METTL6: variants seen among roughly 807,000 people sequenced by gnomAD.
METTL6 encodes the protein tRNA N(3)-cytidine methyltransferase METTL6.
A neutral mutation model predicts 26.4 loss-of-function variants in METTL6; 22 were observed. The observed-to-expected ratio is 0.83, with a 90% CI of 0.59 to 1.19. The LOEUF is 1.19. Ranked by LOEUF, METTL6 falls within the 50% of genes most tolerant of loss-of-function variation. The pLI, the probability that METTL6 is intolerant of heterozygous loss-of-function variation, is 0.00. For synonymous variants in METTL6, 109 were observed against 116.2 expected (o/e 0.94, Z 0.40); for missense variants, 304 against 324.8 (o/e 0.94, Z 0.49).
chr3:15,426,086 G>T (rs970093278), intron 2 of METTL6, among the ~76,000 whole-genome samples: 2 of 152,052 alleles, frequency 1.3e-5, no homozygotes, highest in African/African-American at 4.8e-5. Context: ...GACTACAGGC[G>T]AGCACCACCA....
intron 6 of METTL6, among the ~76,000 whole-genome samples, chr3:15,397,581 C>T (rs1699526707): frequency 6.6e-6 from 1 of 152,198 alleles, no homozygotes; most frequent in South Asian, 2.1e-4. Context: ...GTCGCTCACG[C>T]TGGGAGCTGT....
exon 7 of METTL6, chr3:15,381,949 G>A (rs1243749777): frequency 6.6e-6 from 1 of 151,986 alleles, no homozygotes; most frequent in Non-Finnish European, 1.5e-5. Context: ...TGGGATACAA[G>A]TCGAAGTAGC....
chr3:15,427,202 A>G (rs2061746013), intron 1 of METTL6, among the ~76,000 whole-genome samples, 200 bp downstream of exon 1: 1 of 152,210 alleles, frequency 6.6e-6, no homozygotes, highest in South Asian at 2.1e-4. Flanking sequence ...AAGTGGAGAA[A>G]GAGACCCAAT....
chr3:15,408,579 T>TTTTC (rs1553627420), downstream of METTL6, among the ~76,000 whole-genome samples: 2,453 of 147,752 alleles, frequency 0.017, 116 homozygotes, highest in African/African-American at 0.057. Flanking sequence ...TTTTTTTTTT[T>TTTTC]CAATTGGACA....
intron 3 of METTL6, among the ~76,000 whole-genome samples, chr3:15,416,326 C>G (rs779228656): frequency 4.5e-4 from 69 of 152,232 alleles, no homozygotes; most frequent in Non-Finnish European, 9.0e-4. Context: ...TCATGGTTCA[C>G]TGCAGCCTTC....
chr3:15,424,834 G>T, intron 3 of METTL6, 121 bp downstream of exon 3: 1 of 1,274,150 alleles, frequency 7.8e-7, no homozygotes, highest in Non-Finnish European at 1.1e-6. Context: ...CTACATGTAT[G>T]GTGACTATAG....
Position 15,424,992 on chromosome 3 carries a change from G to A in METTL6, c.323C>T (p.Ala108Val), listed in dbSNP as rs375783930. 2.5e-6 allele frequency: 4 copies of A among 1,614,032 alleles called. No homozygotes were observed. Among genetic ancestry groups the A allele is most frequent in the Non-Finnish European group, 3.4e-6 (4 of 1,180,030 alleles). ...LEEDPNIFAY[A>V]CDFSPRAIEY... ...AATGGCTCTTGGAGAAAAATCACAG[G>A]CATAGGCAAAGATATTCGGATCTTC... Residue 108 changes from alanine (A) to valine (V), a missense_variant, in exon 3 of 6, where the codon GCC becomes GTC. Coordinates refer to ENST00000383790, the MANE Select transcript of METTL6 (RefSeq NM_152396.4).
chr3:15,408,332 T>G (rs554000158), downstream of METTL6, among the ~76,000 whole-genome samples: 4 of 152,160 alleles, frequency 2.6e-5, no homozygotes, highest in African/African-American at 9.7e-5. Context: ...CTTTTCTGTA[T>G]GTATGTTAAG....
intron 4 of METTL6, chr3:15,414,864 G>T: frequency 1.4e-6 from 1 of 718,612 alleles, no homozygotes; most frequent in Non-Finnish European, 2.1e-6. Flanking sequence ...TGAGGCTGCA[G>T]TGAGCCACGT....
rs545442596 is a variant in METTL6 at position 15,421,609 on chromosome 3, C to G, written c.360+3346G>C. Among the ~76,000 whole-genome samples the G allele has an allele frequency of 1.2e-4, 19 of 152,276 alleles. 1 individual carries two copies. The highest frequency in any genetic ancestry group is 6.5e-4 in the Admixed American group (10 of 15,300). The stretch of plus-strand genomic sequence containing the variant: ...CCAAACAGCTGCACACGCCACCACA[C>G]CTGGCTAATTAAAAAAATCTTTTTG... On this transcript the variant is annotated intron_variant, in intron 3 of 5. Coordinates refer to ENST00000383790, the MANE Select transcript of METTL6 (RefSeq NM_152396.4).
downstream of METTL6, among the ~76,000 whole-genome samples, chr3:15,407,384 C>A (rs1248962177): frequency 6.6e-6 from 1 of 152,074 alleles, no homozygotes; most frequent in Non-Finnish European, 1.5e-5. Context: ...GAATTTGGGG[C>A]ATAATTACTC....
At chr3:15,426,794 T>C (rs1358637961) in intron 1 of METTL6, among the ~76,000 whole-genome samples, 159 bp from the exon 2 acceptor site, 1 of 152,230 alleles carries the variant, frequency 6.6e-6, no homozygotes, top group African/African-American at 2.4e-5. Context: ...CTACCTTCAG[T>C]GGGCTTACAT....
Position 15,393,235 on chromosome 3 carries a change from G to A in METTL6, c.*12-9048C>T, listed in dbSNP as rs1310793677. On this transcript the variant is annotated intron_variant, in intron 6 of 6. Coordinates refer to the METTL6 transcript ENST00000443029. ...ACGTCCCTTGTAAGTTGGATTCCTA[G>A]GTATTTCATTCTCTTTGAAGCAATT... 2.0e-5 allele frequency among the ~76,000 whole-genome samples: 3 copies of A among 152,230 alleles called. No homozygotes were observed. The East Asian group carries it at 5.8e-4, about 29-fold the overall frequency.
chr3:15,389,895 AC>A (rs1699298324), intron 6 of METTL6, among the ~76,000 whole-genome samples: 1 of 142,714 alleles, frequency 7.0e-6, no homozygotes, highest in Non-Finnish European at 1.5e-5. Flanking sequence ...TTACTCTGTC[AC>A]CCAGGCTAGA....
chr3:15,412,848 G>C (rs1700029883), intron 5 of METTL6, among the ~76,000 whole-genome samples: 1 of 152,098 alleles, frequency 6.6e-6, no homozygotes, highest in African/African-American at 2.4e-5. Context: ...TGTTAAAATA[G>C]AGGTTAATTA....
At chr3:15,420,854 A>G (rs2061597075) in intron 3 of METTL6, among the ~76,000 whole-genome samples, 1 of 152,200 alleles carries the variant, frequency 6.6e-6, no homozygotes, top group Admixed American at 6.5e-5. Flanking sequence ...GCTTATATCT[A>G]TCCACTGAGT....
chr3:15,407,523 TCTTA>T (rs1362450322), downstream of METTL6, among the ~76,000 whole-genome samples: 2 of 152,294 alleles, frequency 1.3e-5, no homozygotes, highest in South Asian at 4.1e-4. Context: ...CTGAAGTCAT[TCTTA>T]CTTGTCTCTT....
intron 6 of METTL6, among the ~76,000 whole-genome samples, chr3:15,386,937 C>A (rs1213575932): frequency 2.0e-5 from 3 of 152,036 alleles, no homozygotes; most frequent in Non-Finnish European, 4.4e-5. Flanking sequence ...GGATTACAGG[C>A]ATGCACCACT....
At chr3:15,383,050 ATCTACTG>A (rs1699112928) in exon 7 of METTL6, 1 of 152,178 alleles carries the variant, frequency 6.6e-6, no homozygotes, top group African/African-American at 2.4e-5. Context: ...CGTTTTTGAG[ATCTACTG>A]TACATGGTGA....
Sources: allele counts gnomAD v4.1 joint callset (sites outside exome capture counted in the v4.1 genomes callset), GRCh38; gene constraint gnomAD v4.1.1; transcripts MANE v1.5; gene names NCBI Gene and HGNC (gene_info 2026-07-23, HGNC 2026-07-21).